The following PRKG1 variants were observed in gnomAD, a reference collection of about 807,000 sequenced individuals.
PRKG1 encodes the protein cGMP-dependent protein kinase 1.
In PRKG1, 35 loss-of-function variants were observed where a neutral mutation model predicts 88.1. The observed-to-expected ratio is 0.40, with a 90% CI of 0.30 to 0.53. The LOEUF (loss-of-function observed/expected upper bound fraction) is 0.53, where lower values mean the gene tolerates loss of function less well. Among genes scored for constraint, PRKG1 ranks in the 20% least tolerant of loss-of-function variants. The probability of loss-of-function intolerance (pLI) is 0.59; values close to 1 mark genes in which losing one functional copy is unlikely to be tolerated. For synonymous variants in PRKG1, 303 were observed against 292.5 expected, an observed-to-expected ratio of 1.04 and a Z score of -0.37; for missense variants, 540 against 839.8, an observed-to-expected ratio of 0.64 and a Z score of 4.41.
At chr10:51,953,566 G>T (rs1166915092) in intron 5 of PRKG1, among the ~76,000 whole-genome samples, 4 of 152,208 alleles carry the variant, frequency 2.6e-5, no homozygotes, top group Admixed American at 6.5e-5. Context: ...ACAACAGTTA[G>T]TTCGGGAGGT....
chr10:51,629,724 C>A (rs767629064), intron 3 of PRKG1, among the ~76,000 whole-genome samples: 7 of 152,172 alleles, frequency 4.6e-5, no homozygotes, highest in Admixed American at 1.3e-4. Flanking sequence ...CCTCTTCTAG[C>A]ATGGACAAAG....
intron 2 of PRKG1, among the ~76,000 whole-genome samples, chr10:51,354,311 T>C (rs931509022): frequency 5.9e-5 from 9 of 152,066 alleles, no homozygotes; most frequent in African/African-American, 1.9e-4. Flanking sequence ...AAGAGTATAA[T>C]TGGATTGCTT....
intron 3 of PRKG1, among the ~76,000 whole-genome samples, chr10:51,554,972 G>C (rs2132136716): frequency 6.6e-6 from 1 of 151,964 alleles, no homozygotes; most frequent in African/African-American, 2.4e-5. Context: ...ATACAAAGAT[G>C]ATAGCATTAT....
chr10:51,140,635 G>A (rs1845797846), intron 1 of PRKG1, among the ~76,000 whole-genome samples: 1 of 152,188 alleles, frequency 6.6e-6, no homozygotes, highest in African/African-American at 2.4e-5. Flanking sequence ...TCAAAAGGCT[G>A]TCTTCTGTGT....
At chr10:51,186,150 T>C (rs547452540) in intron 2 of PRKG1, among the ~76,000 whole-genome samples, 2 of 151,998 alleles carry the variant, frequency 1.3e-5, no homozygotes, top group South Asian at 4.1e-4. Flanking sequence ...TTTTACCTAC[T>C]TGTAATTTTC....
intron 3 of PRKG1, among the ~76,000 whole-genome samples, chr10:51,565,695 A>G (rs901123049): frequency 4.6e-5 from 7 of 152,144 alleles, no homozygotes; most frequent in Admixed American, 3.9e-4. Context: ...CTTGAAACTT[A>G]AAACACTTGT....
At chr10:51,862,389 G>C (rs183871897) in intron 4 of PRKG1, among the ~76,000 whole-genome samples, 1 of 152,216 alleles carries the variant, frequency 6.6e-6, no homozygotes, top group African/African-American at 2.4e-5. Context: ...GGTGGGTTCC[G>C]GGTTCTTGTC....
chr10:51,577,796 C>T (rs1392245426), intron 3 of PRKG1, among the ~76,000 whole-genome samples: 1 of 152,048 alleles, frequency 6.6e-6, no homozygotes, highest in Non-Finnish European at 1.5e-5. Flanking sequence ...CATATCCCAT[C>T]TACATTTGTC....
At chr10:51,430,686 G>T (rs950560947) in intron 2 of PRKG1, among the ~76,000 whole-genome samples, 3 of 152,072 alleles carry the variant, frequency 2.0e-5, no homozygotes, top group Admixed American at 2.0e-4. Context: ...GCAAAAACTG[G>T]AAACAATCCA....
In PRKG1 at chr10:51,743,714, A is replaced by T. The variant is rs28437142; in HGVS notation, c.593-60871A>T. Among the ~76,000 whole-genome samples, 521 of 97,042 alleles carry T rather than the reference A, an allele frequency of 5.4e-3. 6 individuals are homozygous for T. Among genetic ancestry groups the T allele is most frequent in the African/African-American group, 0.023 (499 of 21,662 alleles). The allele number at this position is 97,042 out of a possible 152,430, so 63.7% of individuals were successfully genotyped here. The stretch of plus-strand genomic sequence containing the variant: ...ATTATATATATAATATAAACTAAAT[A>T]TATATATATATAATATAAACTAAAT... On this transcript the variant is annotated intron_variant, in intron 3 of 17. Transcript: ENST00000373980.
intron 3 of PRKG1, among the ~76,000 whole-genome samples, chr10:51,703,098 A>G (rs1023997096): frequency 2.6e-5 from 4 of 152,230 alleles, no homozygotes; most frequent in African/African-American, 9.6e-5. Flanking sequence ...TTTATTTTTA[A>G]CAAAGAACAG....
intron 3 of PRKG1, among the ~76,000 whole-genome samples, chr10:51,655,973 G>T (rs1840151159): frequency 6.6e-6 from 1 of 152,142 alleles, no homozygotes; most frequent in Non-Finnish European, 1.5e-5. Flanking sequence ...TTGGAGACAT[G>T]ATTCATTTTT....
intron 1 of PRKG1, among the ~76,000 whole-genome samples, chr10:51,020,882 T>A (rs1289593682): frequency 6.6e-6 from 1 of 152,214 alleles, no homozygotes; most frequent in Non-Finnish European, 1.5e-5. Flanking sequence ...GATCAAACAT[T>A]CTTCAATATT....
In PRKG1 at chr10:51,908,891, G is replaced by A. The variant is rs531652536; in HGVS notation, c.762+1321G>A. 725 of 151,872 alleles carry A rather than the reference G, an allele frequency of 4.8e-3. 6 individuals carry two copies. Among genetic ancestry groups the A allele is most frequent in the Middle Eastern group, 0.014 (4 of 294 alleles). The allele number at this position is 151,872 out of a possible 1,614,324, so 9.4% of individuals were successfully genotyped here. On this transcript the variant is annotated intron_variant, in intron 5 of 17. Coordinates refer to ENST00000373980, the MANE Select transcript of PRKG1 (RefSeq NM_006258.4). ...ATTACAGGTGCCTGCCACCATGCCC[G>A]GCTAATTTTTTTGTATTTTTAGTAG...
intron 2 of PRKG1, among the ~76,000 whole-genome samples, chr10:51,354,726 A>G (rs1842327743): frequency 6.6e-6 from 1 of 152,120 alleles, no homozygotes; most frequent in African/African-American, 2.4e-5. Flanking sequence ...AAGAATCTGA[A>G]GAAAACTTCT....
chr10:52,267,041 AATC>A (rs71857599), intron 10 of PRKG1, among the ~76,000 whole-genome samples: 75,774 of 150,614 alleles, frequency 0.5, 19,411 homozygotes, highest in Non-Finnish European at 0.56. Context: ...CTTGCTAAAA[AATC>A]ATCATCATCA....
chr10:51,989,130 G>C (rs1371645339), intron 5 of PRKG1, among the ~76,000 whole-genome samples: 1 of 152,078 alleles, frequency 6.6e-6, no homozygotes, highest in Non-Finnish European at 1.5e-5. Context: ...GCAGAGGTGA[G>C]AGAACGCATG....
chr10:52,127,594 A>G (rs904979571), intron 7 of PRKG1, among the ~76,000 whole-genome samples: 2 of 152,148 alleles, frequency 1.3e-5, no homozygotes, highest in Non-Finnish European at 2.9e-5. Flanking sequence ...TATTATATAG[A>G]AACTTAGGGA....
At chr10:51,062,033 T>A (rs1843697588) in intron 1 of PRKG1, among the ~76,000 whole-genome samples, 1 of 152,134 alleles carries the variant, frequency 6.6e-6, no homozygotes, top group Non-Finnish European at 1.5e-5. Flanking sequence ...CCAACATAGG[T>A]GTGAAAAATT....
Sources: allele counts gnomAD v4.1 joint callset (sites outside exome capture counted in the v4.1 genomes callset), GRCh38; gene constraint gnomAD v4.1.1; transcripts MANE v1.5; gene names NCBI Gene and HGNC (gene_info 2026-07-23, HGNC 2026-07-21).